PDE4DIP: variants seen among roughly 807,000 people sequenced by gnomAD.
PDE4DIP encodes myomegalin.
Under a neutral mutation model 221.4 loss-of-function variants are expected in PDE4DIP, and 59 were observed. The ratio of observed to expected loss-of-function variants is 0.27; its 90% confidence interval spans 0.22 to 0.33. The LOEUF (loss-of-function observed/expected upper bound fraction) is 0.33, where lower values mean the gene tolerates loss of function less well. Ranked by LOEUF, PDE4DIP falls within the 10% of genes least tolerant of loss-of-function variation. The pLI is 1.00. For missense variants in PDE4DIP, 1,036 were observed against 2,154.2 expected (o/e 0.48, Z 10.28); for synonymous variants, 404 against 815.9 (o/e 0.50, Z 8.60).
intron 1 of PDE4DIP, among the ~76,000 whole-genome samples, chr1:148,903,004 C>T (rs1553447837): frequency 6.6e-6 from 1 of 151,750 alleles, no homozygotes; most frequent in Non-Finnish European, 1.5e-5. Flanking sequence ...AGTGGCTGTA[C>T]TAGTTTACAT....
chr1:148,985,029 AATATT>A (rs1469771805), intron 21 of PDE4DIP: 2 of 152,142 alleles, frequency 1.3e-5, no homozygotes, highest in African/African-American at 2.4e-5. Context: ...GTTAGGAAGA[AATATT>A]AGTAACCCAC....
At chr1:148,955,953 A>G (rs1553501899) in intron 5 of PDE4DIP, among the ~76,000 whole-genome samples, 1 of 151,976 alleles carries the variant, frequency 6.6e-6, no homozygotes, top group African/African-American at 2.4e-5. Flanking sequence ...ATAATTTAGG[A>G]TGTCAGGGAA....
At chr1:148,938,686 G>A (rs1376970375) in intron 5 of PDE4DIP, among the ~76,000 whole-genome samples, 1 of 151,962 alleles carries the variant, frequency 6.6e-6, no homozygotes, top group Non-Finnish European at 1.5e-5. Context: ...ATATATTGGA[G>A]TATGAACCTT....
chr1:148,869,980 A>G (rs1385680854), intron 3 of PDE4DIP, among the ~76,000 whole-genome samples: 7 of 78,220 alleles, frequency 8.9e-5, no homozygotes, highest in Non-Finnish European at 1.4e-4. Context: ...TTGTGTTGAC[A>G]TGGGTTTACC....
chr1:149,023,536 T>C (rs2073805259), intron 37 of PDE4DIP, among the ~76,000 whole-genome samples: 1 of 147,286 alleles, frequency 6.8e-6, no homozygotes, highest in Non-Finnish European at 1.5e-5. Context: ...TAAATATATA[T>C]ACATATATAT....
intron 35 of PDE4DIP, 76 bp from the exon 39 acceptor site, chr1:149,020,071 T>G (rs782417060): frequency 1.7e-4 from 86 of 512,906 alleles, no homozygotes; most frequent in Admixed American, 2.5e-4. Context: ...TCTGTCAGGG[T>G]GGATGTGCTT....
intron 35 of PDE4DIP, among the ~76,000 whole-genome samples, 197 bp from the exon 39 acceptor site, chr1:149,019,950 T>C (rs1266709318): frequency 1.3e-4 from 20 of 152,182 alleles, no homozygotes; most frequent in African/African-American, 4.8e-4. Context: ...ATAAGTGGCA[T>C]GAAGGGTTTT....
chr1:148,997,922 C>T (rs1171192439), intron 22 of PDE4DIP, among the ~76,000 whole-genome samples: 2 of 152,256 alleles, frequency 1.3e-5, no homozygotes, highest in African/African-American at 2.4e-5. Context: ...TTCTCCTCTT[C>T]TCCATGGGGA....
At chr1:148,986,460 AT>A (rs1559159773) in intron 21 of PDE4DIP, 3 of 152,240 alleles carry the variant, frequency 2.0e-5, no homozygotes, top group Non-Finnish European at 4.4e-5. Flanking sequence ...CAATAAAATT[AT>A]CAAAGGCCAA....
At chr1:149,010,282 G>A (rs2068206312) in intron 30 of PDE4DIP, among the ~76,000 whole-genome samples, 161 bp from the exon 34 acceptor site, 1 of 152,118 alleles carries the variant, frequency 6.6e-6, no homozygotes, top group Non-Finnish European at 1.5e-5. Flanking sequence ...CACTATAGGA[G>A]CTGTCTGCAA....
At chr1:148,946,970 T>A (rs1363662117) in intron 5 of PDE4DIP, among the ~76,000 whole-genome samples, 1 of 152,222 alleles carries the variant, frequency 6.6e-6, no homozygotes, top group Non-Finnish European at 1.5e-5. Flanking sequence ...CAGCCCATAC[T>A]AACCTCTACT....
chr1:148,838,684 C>T (rs1254000930), intron 1 of PDE4DIP, among the ~76,000 whole-genome samples: 1 of 127,668 alleles, frequency 7.8e-6, no homozygotes, highest in Non-Finnish European at 1.8e-5. Flanking sequence ...TAATCAATAT[C>T]TTATAATAAT....
chr1:149,005,016 T>G, exon 27 of PDE4DIP: 2 of 1,513,532 alleles, frequency 1.3e-6, no homozygotes, highest in Non-Finnish European at 1.8e-6. Context: ...GAGGAAGCCC[T>G]TGGAGAACCA....
intron 14 of PDE4DIP, among the ~76,000 whole-genome samples, chr1:148,971,488 T>G (rs2151984409): frequency 6.6e-6 from 1 of 152,210 alleles, no homozygotes; most frequent in African/African-American, 2.4e-5. Context: ...TTGTATATAC[T>G]CAAGGTGTAC....
At position 149,028,777 on chromosome 1, in the gene PDE4DIP, T is replaced by C. The variant is rs1316389596; in HGVS notation, c.6813+74T>C. On this transcript the variant is annotated intron_variant, in intron 41 of 43. Transcript: ENST00000369354. ...CCAATACTGTTCTGTCTCCTCAATG[T>C]CACAGCTTTTCCAGAAAATCAGGAG... The C allele has an allele frequency of 4.1e-5, 33 of 811,456 alleles. No homozygotes were observed. The Middle Eastern group carries it at 1.8e-3, about 45-fold the overall frequency. The allele number at this position is 811,456 out of a possible 1,614,324, so 50.3% of individuals were successfully genotyped here.
At chr1:148,994,292 TG>T (rs2063714155) in intron 22 of PDE4DIP, among the ~76,000 whole-genome samples, 1 of 151,834 alleles carries the variant, frequency 6.6e-6, no homozygotes, top group Admixed American at 6.6e-5. Context: ...TGTGAAGTTT[TG>T]TAATGGAGAA....
rs1468453373 is a variant in PDE4DIP at position 148,955,653 on chromosome 1, G to T, written c.637-5001G>T. Among the ~76,000 whole-genome samples, 22 of 151,532 alleles carry T rather than the reference G, an allele frequency of 1.5e-4. No individual in the cohort carries two copies. In the Middle Eastern group the frequency reaches 0.014, roughly 94 times the overall value. The stretch of plus-strand genomic sequence containing the variant: ...TAAGTAAGTACTTATTTTAAACCAG[G>T]AGCCCTCTTTCTCTAACCTAAGGAT... On this transcript the variant is annotated intron_variant, in intron 5 of 43. Transcript: ENST00000369354.
rs1347238594 is a variant in PDE4DIP, at chr1:148,992,697, C to T, written c.2904+724C>T. ...ACTCACCGGAACTCCTATAATGTCT[C>T]CACTTTGTCCATGCCATTTAGCAAT... On this transcript the variant is annotated intron_variant, in intron 22 of 43. Transcript: ENST00000369354. 10 of 1,054,486 alleles carry T rather than the reference C, an allele frequency of 9.5e-6. No homozygotes were observed. In the Admixed American group the frequency reaches 4.3e-4, roughly 45 times the overall value. 65.3% of individuals were successfully genotyped at this position (1,054,486 alleles called of 1,614,324 possible).
intron 17 of PDE4DIP, among the ~76,000 whole-genome samples, chr1:148,974,957 G>A (rs142835803): frequency 2.3e-5 from 2 of 88,330 alleles, no homozygotes; most frequent in South Asian, 5.5e-4. Flanking sequence ...TGATCCGCTC[G>A]AACAGGAGTT....
Sources: allele counts gnomAD v4.1 joint callset (sites outside exome capture counted in the v4.1 genomes callset), GRCh38; gene constraint gnomAD v4.1.1; transcripts MANE v1.5; gene names NCBI Gene and HGNC (gene_info 2026-07-23, HGNC 2026-07-21).